The following DOCK9 variants were observed in gnomAD, a reference collection of about 807,000 sequenced individuals.
DOCK9 encodes dedicator of cytokinesis protein 9.
Under a neutral mutation model 263.3 loss-of-function variants are expected in DOCK9, and 89 were observed. The observed-to-expected ratio is 0.34, with a 90% CI of 0.28 to 0.40. The LOEUF is 0.40. Among genes scored for constraint, DOCK9 ranks in the 10% least tolerant of loss-of-function variants. The pLI is 1.00. For missense variants in DOCK9, 2,140 were observed against 2,603.4 expected (o/e 0.82, Z 3.87); for synonymous variants, 976 against 973.1 (o/e 1.00, Z -0.06).
chr13:98,956,181 T>A (rs2058041879), intron 1 of DOCK9, among the ~76,000 whole-genome samples: 1 of 152,120 alleles, frequency 6.6e-6, no homozygotes, highest in Non-Finnish European at 1.5e-5. Context: ...TCCGAGGGGA[T>A]GGGGACGTCC....
At position 98,886,757 on chromosome 13, in the gene DOCK9, G is replaced by A. The variant is rs190790708; in HGVS notation, c.2044-133C>T. On this transcript the variant is annotated intron_variant, in intron 18 of 52. Coordinates refer to ENST00000682017, the MANE Select transcript of DOCK9 (RefSeq NM_001366683.2). ...GCCACCTCTGATGGGCCCCAGGCCT[G>A]TGAGCCCCGGACTGCTGGGTCCTGC... is the stretch of plus-strand genomic sequence containing the variant. 550 of 793,060 alleles carry A rather than the reference G, an allele frequency of 6.9e-4. 2 individuals are homozygous for A. The African/African-American group carries it at 8.0e-3, about 11-fold the overall frequency. The allele number at this position is 793,060 out of a possible 1,614,324, so 49.1% of individuals were successfully genotyped here. A position where few individuals can be genotyped will look rare whatever the true frequency, so the allele number is the denominator to read the frequency against.
chr13:99,033,484 G>A (rs991364130), intron 1 of DOCK9, among the ~76,000 whole-genome samples: 2 of 152,194 alleles, frequency 1.3e-5, no homozygotes, highest in African/African-American at 2.4e-5. Flanking sequence ...AACTAATGCC[G>A]TCAACAAACC....
intron 1 of DOCK9, among the ~76,000 whole-genome samples, chr13:99,064,224 G>A (rs561792033): frequency 1.6e-4 from 25 of 152,248 alleles, no homozygotes; most frequent in Admixed American, 2.6e-4. Flanking sequence ...CATTTTCTAT[G>A]GGATGGCCAC....
chr13:98,944,567 CAT>C (rs1416860333), intron 2 of DOCK9, among the ~76,000 whole-genome samples: 1 of 152,170 alleles, frequency 6.6e-6, no homozygotes, highest in East Asian at 1.9e-4. Flanking sequence ...CACTGTGTTC[CAT>C]GTGTGTGTCC....
chr13:98,928,175 G>A (rs2140236561), intron 3 of DOCK9, among the ~76,000 whole-genome samples: 1 of 152,304 alleles, frequency 6.6e-6, no homozygotes, highest in East Asian at 1.9e-4. Context: ...GATGCAGAAA[G>A]TCTAGGAGAT....
At chr13:99,068,297 A>T (rs952516887) in intron 1 of DOCK9, among the ~76,000 whole-genome samples, 4 of 152,004 alleles carry the variant, frequency 2.6e-5, no homozygotes, top group Non-Finnish European at 5.9e-5. Context: ...AAAACCTAAT[A>T]CCCTGGCCGG....
intron 20 of DOCK9, chr13:98,885,395 C>T (rs753540131): frequency 1.7e-5 from 9 of 521,658 alleles, no homozygotes; most frequent in Admixed American, 2.8e-5. Flanking sequence ...CTTGAGCTCA[C>T]GAGTTCGAGA....
In DOCK9 at chr13:99,008,234, ATTTT is replaced by A. The variant is rs398024127; in HGVS notation, c.130-52687_130-52684del. Among the ~76,000 whole-genome samples the A allele has an allele frequency of 3.3e-3, 306 of 94,040 alleles. 1 individual carries two copies. Among genetic ancestry groups the A allele is most frequent in the African/African-American group, 0.013 (289 of 22,700 alleles). The allele number at this position is 94,040 out of a possible 152,430, so 61.7% of individuals were successfully genotyped here. The stretch of plus-strand genomic sequence containing the variant: ...TCTCTATATATATATATATATATAT[ATTTT>A]TTTTTTTTTTTGAGACGAAGTCTCA... On this transcript the variant is annotated intron_variant, in intron 1 of 32. Transcript: ENST00000427887.
intron 52 of DOCK9, among the ~76,000 whole-genome samples, chr13:98,796,845 G>A (rs1000306589): frequency 6.6e-6 from 1 of 152,106 alleles, no homozygotes; most frequent in Admixed American, 6.5e-5. Context: ...CGGGGGTGGG[G>A]AGAGAGAAAG....
intron 1 of DOCK9, among the ~76,000 whole-genome samples, chr13:99,066,971 G>A (rs973086472): frequency 6.6e-6 from 1 of 152,170 alleles, no homozygotes; most frequent in Admixed American, 6.5e-5. Flanking sequence ...CTTGCAAAAG[G>A]AGTGTAATAG....
At chr13:98,822,070 C>G (rs1238478273) in intron 45 of DOCK9, among the ~76,000 whole-genome samples, 1 of 152,194 alleles carries the variant, frequency 6.6e-6, no homozygotes, top group South Asian at 2.1e-4. Flanking sequence ...CCGTTAGTTT[C>G]AATCTGGATG....
At chr13:99,088,589 A>G (rs781659422), upstream of DOCK9, 34 of 152,130 alleles carry the variant, frequency 2.2e-4, no homozygotes, top group Non-Finnish European at 4.0e-4. Context: ...AAGGCGAACA[A>G]TTTTGTCTTT....
chr13:98,814,943 A>ATAAC (rs1566576506), intron 45 of DOCK9, among the ~76,000 whole-genome samples: 442 of 33,056 alleles, frequency 0.013, 23 homozygotes, highest in South Asian at 0.063. Context: ...CTCAAAATAA[A>ATAAC]ATAAAATAAA....
intron 9 of DOCK9, among the ~76,000 whole-genome samples, chr13:98,907,204 T>C (rs1452055283): frequency 6.6e-6 from 1 of 152,228 alleles, no homozygotes; most frequent in Non-Finnish European, 1.5e-5. Flanking sequence ...CTGTGGTGTT[T>C]CCTAACAAAA....
At chr13:99,043,868 C>T (rs2142149001) in intron 1 of DOCK9, among the ~76,000 whole-genome samples, 1 of 152,220 alleles carries the variant, frequency 6.6e-6, no homozygotes, top group South Asian at 2.1e-4. Context: ...CCTACATATG[C>T]CACTACTGTA....
At chr13:98,985,060 G>A (rs1157420455) in intron 1 of DOCK9, among the ~76,000 whole-genome samples, 2 of 131,788 alleles carry the variant, frequency 1.5e-5, no homozygotes, top group Middle Eastern at 3.9e-3. Flanking sequence ...CAGTGAAGAA[G>A]ACTATGGGGG....
At chr13:99,054,771 A>T (rs2040844160) in intron 1 of DOCK9, among the ~76,000 whole-genome samples, 2 of 152,204 alleles carry the variant, frequency 1.3e-5, no homozygotes, top group South Asian at 2.1e-4. Context: ...AAGCACTATC[A>T]CAAGCACCAT....
chr13:98,926,039 C>T, intron 3 of DOCK9, 120 bp from the exon 4 acceptor site: 1 of 656,344 alleles, frequency 1.5e-6, no homozygotes, highest in Non-Finnish European at 2.5e-6. Context: ...TTTTTCCCAT[C>T]AACGAGCTAA....
chr13:99,041,960 A>T (rs1888504354), intron 1 of DOCK9, among the ~76,000 whole-genome samples: 1 of 152,228 alleles, frequency 6.6e-6, no homozygotes, highest in Non-Finnish European at 1.5e-5. Context: ...GCCAGGCTTC[A>T]GACTTTTGGT....
Sources: allele counts gnomAD v4.1 joint callset (sites outside exome capture counted in the v4.1 genomes callset), GRCh38; gene constraint gnomAD v4.1.1; transcripts MANE v1.5; gene names NCBI Gene and HGNC (gene_info 2026-07-23, HGNC 2026-07-21).